IGSF5: variants seen among roughly 807,000 people sequenced by gnomAD.
IGSF5 encodes immunoglobulin superfamily member 5.
IGSF5 carries 41 observed loss-of-function variants against 39.4 expected under a neutral mutation model. The ratio of observed to expected loss-of-function variants is 1.04; its 90% CI spans 0.81 to 1.35. The LOEUF is 1.35. Ranked by LOEUF, IGSF5 falls within the 40% of genes most tolerant of loss-of-function variation. The pLI is 0.00. For missense variants in IGSF5, 487 were observed against 494.6 expected (o/e 0.98, Z 0.15); for synonymous variants, 183 against 175.3 (o/e 1.04, Z -0.34).
intron 4 of IGSF5, among the ~76,000 whole-genome samples, chr21:39,772,715 A>G (rs1264194179): frequency 6.6e-6 from 1 of 152,262 alleles, no homozygotes; most frequent in African/African-American, 2.4e-5. Flanking sequence ...GTTTGGATCA[A>G]TTTGGATCAA....
chr21:39,756,334 G>A, intron 2 of IGSF5, among the ~76,000 whole-genome samples: 1 of 152,222 alleles, frequency 6.6e-6, no homozygotes, highest in East Asian at 1.9e-4. Flanking sequence ...CAGTAACTTG[G>A]ATGAGATGTC....
chr21:39,722,863 G>A, the IGSF5 span, among the ~76,000 whole-genome samples: 1 of 152,058 alleles, frequency 6.6e-6, no homozygotes, highest in Non-Finnish European at 1.5e-5. Context: ...TTAAAGCTTG[G>A]AATGATTTAC....
chr21:39,771,284 T>G (rs1242812207), intron 4 of IGSF5, 69 bp downstream of exon 4: 2 of 1,372,448 alleles, frequency 1.5e-6, no homozygotes. Context: ...CGTAGAATGC[T>G]CCTTCATCCA....
the IGSF5 span, among the ~76,000 whole-genome samples, chr21:39,715,084 T>C: frequency 1.3e-5 from 2 of 152,032 alleles, no homozygotes; most frequent in Admixed American, 1.3e-4. Flanking sequence ...TTTTCTTTCT[T>C]TCTCATCTCC....
chr21:39,765,944 C>G, intron 3 of IGSF5, 92 bp downstream of exon 3: 2 of 1,157,118 alleles, frequency 1.7e-6, no homozygotes, highest in Non-Finnish European at 2.5e-6. Flanking sequence ...TGATGGCAGA[C>G]GTGGTCTACC....
In IGSF5 at chr21:39,801,541, G is replaced by A; in HGVS notation, c.*184G>A. Reference sequence around the variant, plus strand: ...GGAATCGATTTTCCCAGAGTTCAAAGTAGAATGTGACTTTTAAGAGGTTTC... The same window carrying A: ...GGAATCGATTTTCCCAGAGTTCAAAATAGAATGTGACTTTTAAGAGGTTTC... On this transcript the variant is annotated 3_prime_UTR_variant, in exon 9 of 9. Transcript: ENST00000380588. 1 of 462,442 alleles carries A rather than the reference G, an allele frequency of 2.2e-6. No homozygotes were observed. Among genetic ancestry groups the A allele is most frequent in the East Asian group, 3.1e-5 (1 of 32,500 alleles). The allele number at this position is 462,442 out of a possible 1,614,324, so 28.6% of individuals were successfully genotyped here. A position where few individuals can be genotyped will look rare whatever the true frequency, so the allele number is the denominator to read the frequency against.
At chr21:39,765,466 G>A (rs901948215) in intron 2 of IGSF5, 69 bp from the exon 3 acceptor site, 1 of 1,434,742 alleles carries the variant, frequency 7.0e-7, no homozygotes, top group South Asian at 1.2e-5. Flanking sequence ...AATACAGAAA[G>A]GTTACAGCAC....
At chr21:39,719,622 G>A in the IGSF5 span, among the ~76,000 whole-genome samples, 1 of 152,212 alleles carries the variant, frequency 6.6e-6, no homozygotes, top group African/African-American at 2.4e-5. Context: ...GAAACAGACA[G>A]GAACTAGAAT....
At chr21:39,782,008 T>G (rs2080173172) in intron 5 of IGSF5, among the ~76,000 whole-genome samples, 1 of 149,222 alleles carries the variant, frequency 6.7e-6, no homozygotes. Context: ...TTCATTCTTC[T>G]GTGTGATATG....
rs2086935684 is a variant in IGSF5, at chr21:39,788,200, A to T, written c.956+12A>T. ...ATTCAATTTCAAAAGTAAGTTTGAA[A>T]CCACATCTATTTTCTGAAAACAAAA... On this transcript the variant is annotated intron_variant, in intron 6 of 8. Transcript: ENST00000380588. 1 of 1,577,902 alleles carries T rather than the reference A, an allele frequency of 6.3e-7. No individual in the cohort carries two copies. The highest frequency in any genetic ancestry group is 1.7e-5 in the Admixed American group (1 of 58,852).
chr21:39,748,297 A>G (rs1041708660), intron 2 of IGSF5, among the ~76,000 whole-genome samples: 4 of 90,058 alleles, frequency 4.4e-5, no homozygotes, highest in Admixed American at 2.8e-4. Context: ...AGAGAAAACA[A>G]GATCTTTTTT....
intron 7 of IGSF5, 50 bp from the exon 8 acceptor site, chr21:39,793,483 AC>A: frequency 7.3e-7 from 1 of 1,376,076 alleles, no homozygotes; most frequent in Non-Finnish European, 1.0e-6. Flanking sequence ...GTTAGAGCAC[AC>A]AGCTTGGTTT....
the IGSF5 span, among the ~76,000 whole-genome samples, chr21:39,721,137 G>A: frequency 6.6e-6 from 1 of 152,124 alleles, no homozygotes; most frequent in East Asian, 1.9e-4. Flanking sequence ...ATTAAAAGAT[G>A]ACACAGTAGA....
chr21:39,743,704 G>C (rs920110747), upstream of IGSF5, among the ~76,000 whole-genome samples: 1 of 151,984 alleles, frequency 6.6e-6, no homozygotes, highest in South Asian at 2.1e-4. Flanking sequence ...TTGCATAACT[G>C]CGAGTTGTCT....
intron 8 of IGSF5, among the ~76,000 whole-genome samples, chr21:39,797,958 T>G (rs1044497900): frequency 6.6e-6 from 1 of 151,712 alleles, no homozygotes; most frequent in Non-Finnish European, 1.5e-5. Context: ...CAAACTGCCT[T>G]TCCACGCCTT....
intron 4 of IGSF5, among the ~76,000 whole-genome samples, chr21:39,776,907 A>T (rs1377851360): frequency 6.6e-6 from 1 of 152,192 alleles, no homozygotes; most frequent in African/African-American, 2.4e-5. Context: ...TTATATATGC[A>T]AACTTCAGTT....
rs888118307 is a variant in IGSF5 at position 39,745,648 on chromosome 21, C to A, written c.17+122C>A. 15 of 649,090 alleles carry A rather than the reference C, an allele frequency of 2.3e-5. No individual in the cohort carries two copies. In the Admixed American group the frequency reaches 2.4e-4, roughly 10 times the overall value. The allele number at this position is 649,090 out of a possible 1,614,324, so 40.2% of individuals were successfully genotyped here. A position where few individuals can be genotyped will look rare whatever the true frequency, so the allele number is the denominator to read the frequency against. On this transcript the variant is annotated intron_variant, in intron 1 of 8. Transcript: ENST00000380588. ...GCCTCTAGTTGGCCCTTGGTTTCCCCAAGAAAATTGAAAGTGGAAGCTGGC... is the reference window on the plus strand; with the variant it reads ...GCCTCTAGTTGGCCCTTGGTTTCCCAAAGAAAATTGAAAGTGGAAGCTGGC...
chr21:39,774,685 C>T (rs1427537542), intron 4 of IGSF5, among the ~76,000 whole-genome samples: 1 of 152,146 alleles, frequency 6.6e-6, no homozygotes, highest in Non-Finnish European at 1.5e-5. Flanking sequence ...ATCTGCCCCT[C>T]GGGGTGGTTT....
chr21:39,723,378 G>A, the IGSF5 span, among the ~76,000 whole-genome samples: 1 of 152,176 alleles, frequency 6.6e-6, no homozygotes, highest in Non-Finnish European at 1.5e-5. Context: ...CTGCTGAGAA[G>A]GGAATAGAGA....
Sources: allele counts gnomAD v4.1 joint callset (sites outside exome capture counted in the v4.1 genomes callset), GRCh38; gene constraint gnomAD v4.1.1; transcripts MANE v1.5; gene names NCBI Gene and HGNC (gene_info 2026-07-23, HGNC 2026-07-21).